Variants in RHPN2 observed in about 807,000 individuals in gnomAD.
The protein encoded by RHPN2 is rhophilin Rho GTPase binding protein 2.
In RHPN2, 40 loss-of-function variants were observed where a neutral mutation model predicts 79.0. The ratio of observed to expected loss-of-function variants is 0.51; its 90% CI spans 0.39 to 0.66. The LOEUF (loss-of-function observed/expected upper bound fraction) is 0.66, where lower values mean the gene tolerates loss of function less well. RHPN2 is among the 30% of genes least tolerant of loss of function. The probability of loss-of-function intolerance (pLI) is 0.00; values close to 1 mark genes in which losing one functional copy is unlikely to be tolerated. For missense variants in RHPN2, 686 were observed against 883.5 expected (o/e 0.78, Z 2.83); for synonymous variants, 285 against 363.5 (o/e 0.78, Z 2.46).
At chr19:33,026,775 G>A (rs1971971499) in intron 2 of RHPN2, 143 bp from the exon 3 acceptor site, 2 of 901,746 alleles carry the variant, frequency 2.2e-6, no homozygotes. Context: ...AGGTATCCCA[G>A]GGACACAGGG....
At chr19:33,032,117 T>A (rs1462874010) in intron 2 of RHPN2, among the ~76,000 whole-genome samples, 1 of 143,686 alleles carries the variant, frequency 7.0e-6, no homozygotes, top group Non-Finnish European at 1.5e-5. Context: ...ACCTCCCAGG[T>A]TCAAGCAATT....
In RHPN2 at chr19:33,064,832, G is replaced by C; in HGVS notation, c.21C>G (p.Pro7=). 6.6e-7 allele frequency: 1 copy of C among 1,516,150 alleles called. No homozygotes were observed. Among genetic ancestry groups the C allele is most frequent in the Non-Finnish European group, 8.8e-7 (1 of 1,138,948 alleles). 93.9% of individuals were successfully genotyped at this position (1,516,150 alleles called of 1,614,324 possible). A position where few individuals can be genotyped will look rare whatever the true frequency, so the allele number is the denominator to read the frequency against. Reference sequence around the variant, plus strand: ...CCTTCTCCAGCGGCTGGGGGGCCGCGGGCAACAGCGCGTCGGTCATGCTAG... The same window carrying C: ...CCTTCTCCAGCGGCTGGGGGGCCGCCGGCAACAGCGCGTCGGTCATGCTAG... MTDALL[P]AAPQPLEKEN... The change falls in exon 1 of 15, where the codon CCC becomes CCG. Residue 7 remains proline (P), a synonymous_variant. Transcript: ENST00000254260.
intron 2 of RHPN2, among the ~76,000 whole-genome samples, chr19:33,040,220 A>G (rs1377906095): frequency 6.8e-6 from 1 of 146,618 alleles, no homozygotes; most frequent in East Asian, 2.0e-4. Context: ...AGTTAAAACT[A>G]GGCAACCTGC....
intron 1 of RHPN2, among the ~76,000 whole-genome samples, chr19:33,049,077 G>A (rs1350781941): frequency 6.6e-6 from 1 of 152,156 alleles, no homozygotes; most frequent in African/African-American, 2.4e-5. Context: ...GGAACACTTA[G>A]GGTTAGATTT....
chr19:32,985,880 C>T (rs1568308447), intron 14 of RHPN2, among the ~76,000 whole-genome samples: 2 of 152,228 alleles, frequency 1.3e-5, no homozygotes, highest in Non-Finnish European at 2.9e-5. Flanking sequence ...GATCCGCCGG[C>T]CTTGGCCTCC....
At chr19:33,014,396 C>A (rs1023801373) in intron 4 of RHPN2, among the ~76,000 whole-genome samples, 7 of 152,072 alleles carry the variant, frequency 4.6e-5, no homozygotes, top group African/African-American at 1.4e-4. Flanking sequence ...GCCTTGAACT[C>A]CCGGGCTCAA....
chr19:32,986,882 A>C (rs1471367829), intron 14 of RHPN2, among the ~76,000 whole-genome samples: 1 of 150,666 alleles, frequency 6.6e-6, no homozygotes, highest in Non-Finnish European at 1.5e-5. Flanking sequence ...TTTATTTATT[A>C]TTTTTATTTT....
At chr19:32,981,707 CTTTTTTT>C (rs34395682) in intron 14 of RHPN2, among the ~76,000 whole-genome samples, 1 of 123,618 alleles carries the variant, frequency 8.1e-6, no homozygotes, top group African/African-American at 3.3e-5. Flanking sequence ...TTTCTTTTTC[CTTTTTTT>C]TTTTTTTTTT....
chr19:33,031,102 T>C (rs1216801345), intron 2 of RHPN2, among the ~76,000 whole-genome samples: 1 of 152,154 alleles, frequency 6.6e-6, no homozygotes. Flanking sequence ...CGGCAAGTTA[T>C]GGTGGGAGAG....
In RHPN2 at chr19:33,011,771, C is replaced by T; in HGVS notation, c.501G>A (p.Gly167=). Residue 167 remains glycine, a synonymous_variant, in exon 6 of 15, where the codon GGG becomes GGA. Transcript: ENST00000254260. ...TGAAGTATGTCATCAGCAGTTCCAC[C>T]CCGGCCTCATCCCGGCTAGGCGTCC... ...ACRTPSRDEA[G]VELLMTYFIQ... is the part of the protein sequence containing the mutation. The T allele has an allele frequency of 6.2e-7, 1 of 1,613,958 alleles. No homozygotes were observed. The highest frequency in any genetic ancestry group is 8.5e-7 in the Non-Finnish European group (1 of 1,179,864).
chr19:33,026,417 C>G (rs747225237), intron 3 of RHPN2, 87 bp downstream of exon 3: 3 of 1,549,496 alleles, frequency 1.9e-6, no homozygotes, highest in Non-Finnish European at 2.6e-6. Flanking sequence ...CAGTCTAGAA[C>G]GCTATCTGAC....
chr19:33,033,366 G>A (rs1341406636), intron 2 of RHPN2, among the ~76,000 whole-genome samples: 2 of 152,146 alleles, frequency 1.3e-5, no homozygotes, highest in Non-Finnish European at 2.9e-5. Context: ...AGGAATTCAA[G>A]ATCAGCCCGG....
chr19:33,000,051 T>C (rs1397795841), intron 9 of RHPN2, among the ~76,000 whole-genome samples: 2 of 152,068 alleles, frequency 1.3e-5, no homozygotes, highest in Admixed American at 6.6e-5. Flanking sequence ...TTAAATTTTT[T>C]TGTAAAGACA....
rs192037152 is a variant in RHPN2 at position 32,981,265 on chromosome 19, C to T, written c.1801-1009G>A. The stretch of plus-strand genomic sequence containing the variant: ...GAATATGAAAGTACAGGGTGGGGCG[C>T]GGTGGCTCACAACTACAGTCCCAGC... On this transcript the variant is annotated intron_variant, in intron 14 of 14. Transcript: ENST00000254260. 4.9e-3 allele frequency among the ~76,000 whole-genome samples: 750 copies of T among 151,840 alleles called. 5 individuals are homozygous for T. The highest frequency in any genetic ancestry group is 0.017 in the African/African-American group (721 of 41,396).
At chr19:33,044,755 G>A (rs1972128446) in intron 1 of RHPN2, among the ~76,000 whole-genome samples, 1 of 152,098 alleles carries the variant, frequency 6.6e-6, no homozygotes, top group East Asian at 1.9e-4. Context: ...TTAACCAGGT[G>A]TGGTGGTGGG....
intron 1 of RHPN2, among the ~76,000 whole-genome samples, chr19:33,053,076 A>G (rs1972202359): frequency 6.6e-6 from 1 of 151,530 alleles, no homozygotes; most frequent in South Asian, 2.1e-4. Flanking sequence ...GGTTCAAGCG[A>G]TTCTCCTGTT....
At chr19:33,021,673 T>G (rs773940184) in intron 3 of RHPN2, 27 bp from the exon 4 acceptor site, 1 of 1,584,850 alleles carries the variant, frequency 6.3e-7, no homozygotes, top group Non-Finnish European at 8.7e-7. Flanking sequence ...AAGGTATGTA[T>G]GAACACCCCC....
intron 2 of RHPN2, among the ~76,000 whole-genome samples, chr19:33,034,228 T>C (rs1289832067): frequency 6.6e-6 from 1 of 151,708 alleles, no homozygotes; most frequent in African/African-American, 2.4e-5. Flanking sequence ...ACCCCAGCAC[T>C]TTGGGAGGCC....
intron 4 of RHPN2, among the ~76,000 whole-genome samples, chr19:33,013,194 AACAAAAACAAAAAAC>A (rs1971850506): frequency 7.7e-5 from 6 of 78,376 alleles, no homozygotes; most frequent in South Asian, 5.0e-4. Flanking sequence ...TTTTTAAAAA[AACAAAAACAAAAAAC>A]AAAAAACAGA....
Sources: allele counts gnomAD v4.1 joint callset (sites outside exome capture counted in the v4.1 genomes callset), GRCh38; gene constraint gnomAD v4.1.1; transcripts MANE v1.5; gene names NCBI Gene and HGNC (gene_info 2026-07-23, HGNC 2026-07-21).